C2orf74: variants seen among roughly 807,000 people sequenced by gnomAD.
C2orf74 encodes uncharacterized protein C2orf74.
In C2orf74, 14 loss-of-function variants were observed where a neutral mutation model predicts 17.9. The ratio of observed to expected loss-of-function variants is 0.78; its 90% confidence interval spans 0.52 to 1.22. C2orf74 has a LOEUF of 1.22. Ranked by LOEUF, C2orf74 falls within the 50% of genes most tolerant of loss-of-function variation. The pLI, the probability that C2orf74 is intolerant of heterozygous loss-of-function variation, is 0.00. For missense variants in C2orf74, 217 were observed against 218.4 expected, an observed-to-expected ratio of 0.99 and a Z score of 0.04; for synonymous variants, 79 against 72.6, an observed-to-expected ratio of 1.09 and a Z score of -0.44.
At chr2:61,160,611 C>T (rs1410074366), upstream of C2orf74, among the ~76,000 whole-genome samples, 1 of 151,740 alleles carries the variant, frequency 6.6e-6, no homozygotes, top group Admixed American at 6.6e-5. Context: ...CAGGTTCAAG[C>T]GATTTTCCTG....
intron 1 of C2orf74, chr2:61,145,265 A>C (rs1001804111): frequency 3.9e-5 from 6 of 152,166 alleles, no homozygotes; most frequent in African/African-American, 1.4e-4. Flanking sequence ...CCAAATATAA[A>C]TATATTAAAT....
At chr2:61,159,007 G>C (rs1466091137), upstream of C2orf74, among the ~76,000 whole-genome samples, 1 of 149,264 alleles carries the variant, frequency 6.7e-6, no homozygotes, top group East Asian at 1.9e-4. Flanking sequence ...TTGTTTGTTT[G>C]TTTGTTTTGA....
intron 1 of C2orf74, chr2:61,152,094 C>T (rs1033110459): frequency 3.9e-5 from 6 of 152,336 alleles, no homozygotes; most frequent in Admixed American, 2.0e-4. Context: ...CCAGGTCTCC[C>T]AGGGTCAGGT....
chr2:61,156,895 A>C (rs1326137619), intron 1 of C2orf74, among the ~76,000 whole-genome samples: 1 of 152,176 alleles, frequency 6.6e-6, no homozygotes, highest in Non-Finnish European at 1.5e-5. Flanking sequence ...CAACCACAAC[A>C]ACAAAAAAGA....
At chr2:61,155,931 G>A (rs1685378872) in intron 1 of C2orf74, among the ~76,000 whole-genome samples, 1 of 151,996 alleles carries the variant, frequency 6.6e-6, no homozygotes, top group Non-Finnish European at 1.5e-5. Flanking sequence ...GGGCGTGGTG[G>A]TTCATGCCTG....
chr2:61,159,423 G>T, upstream of C2orf74: 1 of 238,166 alleles, frequency 4.2e-6, no homozygotes, highest in Non-Finnish European at 8.6e-6. Context: ...CAGCCTCCCA[G>T]GTAGCTGGGA....
Position 61,163,249 on chromosome 2 carries a change from C to T in C2orf74, c.390+17C>T. On this transcript the variant is annotated intron_variant, in intron 4 of 4. Coordinates refer to ENST00000432605, the MANE Select transcript of C2orf74 (RefSeq NM_001143959.4). ...CAAGAAGAGGTGATGTGTTTTTCTACTCTCAAAGAGCAGTTTAGAATTTGT... is the reference window on the plus strand; with the variant it reads ...CAAGAAGAGGTGATGTGTTTTTCTATTCTCAAAGAGCAGTTTAGAATTTGT... 1 of 1,546,976 alleles carries T rather than the reference C, an allele frequency of 6.5e-7. No homozygotes were observed. Among genetic ancestry groups the T allele is most frequent in the South Asian group, 1.2e-5 (1 of 83,278 alleles).
intron 1 of C2orf74, among the ~76,000 whole-genome samples, chr2:61,152,337 C>A (rs575755077): frequency 6.6e-6 from 1 of 150,482 alleles, no homozygotes; most frequent in Non-Finnish European, 1.5e-5. Flanking sequence ...GTCAGGAGAT[C>A]GAGACCATCC....
Position 61,162,437 on chromosome 2 carries a change from C to A in C2orf74, c.-78C>A. The stretch of plus-strand genomic sequence containing the variant: ...CTAGAAAACTTAAAGAACAAGAGAA[C>A]TGCATTCAAATTGAGCTGGAAAAGA... On this transcript the variant is annotated 5_prime_UTR_variant, in exon 2 of 5. It adds an upstream start codon to the 5' untranslated region. Coordinates refer to ENST00000432605, the MANE Select transcript of C2orf74 (RefSeq NM_001143959.4). 9.5e-7 allele frequency: 1 copy of A among 1,051,706 alleles called. No individual in the cohort carries two copies. The highest frequency in any genetic ancestry group is 1.4e-6 in the Non-Finnish European group (1 of 713,432). 65.1% of individuals were successfully genotyped at this position (1,051,706 alleles called of 1,614,324 possible).
chr2:61,149,476 C>A (rs1340595586), intron 1 of C2orf74, among the ~76,000 whole-genome samples: 1 of 151,784 alleles, frequency 6.6e-6, no homozygotes, highest in African/African-American at 2.4e-5. Context: ...TCAGCACTTG[C>A]AAGGCTGTCC....
chr2:61,150,665 C>T (rs762444942), intron 1 of C2orf74, among the ~76,000 whole-genome samples: 5 of 152,116 alleles, frequency 3.3e-5, no homozygotes, highest in Non-Finnish European at 7.4e-5. Context: ...AAACAGGAGG[C>T]GCTGCACACC....
chr2:61,155,404 C>A (rs1685362063), intron 1 of C2orf74, among the ~76,000 whole-genome samples: 1 of 152,092 alleles, frequency 6.6e-6, no homozygotes, highest in Non-Finnish European at 1.5e-5. Flanking sequence ...CACATCCCCC[C>A]AAAAAGCCAG....
At chr2:61,151,659 T>C (rs1388935041) in intron 1 of C2orf74, 1 of 152,074 alleles carries the variant, frequency 6.6e-6, no homozygotes, top group Non-Finnish European at 1.5e-5. Flanking sequence ...AGTCATTCCA[T>C]GGGCTGCTTG....
rs185350908 is a variant in C2orf74, at chr2:61,152,892, G to A, written c.-122+7696G>A. Among the ~76,000 whole-genome samples, 14 of 145,946 alleles carry A rather than the reference G, an allele frequency of 9.6e-5. No homozygotes were observed. In the East Asian group the frequency reaches 2.3e-3, roughly 24 times the overall value. ...AAAAGCCAGGCGCGCGCGGTGGCTCGCGCCTGTAATCCCAGTACTTTGGGA... is the reference window on the plus strand; with the variant it reads ...AAAAGCCAGGCGCGCGCGGTGGCTCACGCCTGTAATCCCAGTACTTTGGGA... On this transcript the variant is annotated intron_variant, in intron 1 of 3. Transcript: ENST00000426997.
intron 1 of C2orf74, among the ~76,000 whole-genome samples, chr2:61,147,849 C>T (rs1685114715): frequency 6.6e-6 from 1 of 151,958 alleles, no homozygotes; most frequent in Admixed American, 6.6e-5. Flanking sequence ...CTCACTGCAA[C>T]CTCCGCCTCC....
chr2:61,155,189 AAG>A (rs986200897), intron 1 of C2orf74, among the ~76,000 whole-genome samples: 15 of 152,218 alleles, frequency 9.9e-5, no homozygotes, highest in Admixed American at 6.5e-4. Context: ...TAATTCAACA[AAG>A]AGAAATAAAG....
rs142129962 is a variant in C2orf74 at position 61,148,570 on chromosome 2, C to A, written c.-122+3374C>A. On this transcript the variant is annotated intron_variant, in intron 1 of 3. Transcript: ENST00000426997. Reference sequence around the variant, plus strand: ...ATAGTTTTTTAACTAATTTTAAAATCTGACACTAATGTTTATTACTCATTT... The same window carrying A: ...ATAGTTTTTTAACTAATTTTAAAATATGACACTAATGTTTATTACTCATTT... Among the ~76,000 whole-genome samples, 621 of 152,312 alleles carry A rather than the reference C, an allele frequency of 4.1e-3. 4 individuals are homozygous for A. The highest frequency in any genetic ancestry group is 0.014 in the African/African-American group (583 of 41,576).
At position 61,162,470 on chromosome 2, in the gene C2orf74, G is replaced by T; in HGVS notation, c.-45G>T. On this transcript the variant is annotated 5_prime_UTR_variant, in exon 2 of 5. Transcript: ENST00000432605. ...AAATTGAGCTGGAAAAGAATATTTG[G>T]ACAGTCTGTGATTGTGAGAGTGGAT... 1 of 1,354,228 alleles carries T rather than the reference G, an allele frequency of 7.4e-7. No homozygotes were observed. Among genetic ancestry groups the T allele is most frequent in the Non-Finnish European group, 1.0e-6 (1 of 979,596 alleles). 83.9% of individuals were successfully genotyped at this position (1,354,228 alleles called of 1,614,324 possible).
intron 1 of C2orf74, among the ~76,000 whole-genome samples, chr2:61,155,560 C>G (rs1453437455): frequency 6.6e-6 from 1 of 151,730 alleles, no homozygotes; most frequent in Non-Finnish European, 1.5e-5. Flanking sequence ...TGGCTCTGTC[C>G]CCCAGGCTGG....
Sources: gnomAD v4.1 joint callset for allele counts (sites outside exome capture counted in the v4.1 genomes callset) on GRCh38, gnomAD v4.1.1 for gene constraint, MANE v1.5 for transcripts, NCBI Gene and HGNC (gene_info 2026-07-23, HGNC 2026-07-21) for gene names.